The following MAP4K5 variants were observed in gnomAD, a reference collection of about 807,000 sequenced individuals.
MAP4K5 encodes mitogen-activated protein kinase kinase kinase kinase 5.
In MAP4K5, 82 loss-of-function variants were observed where a neutral mutation model predicts 135.6. The ratio of observed to expected loss-of-function variants is 0.60; its 90% CI spans 0.51 to 0.73. MAP4K5 has a LOEUF of 0.73. Among genes scored for constraint, MAP4K5 ranks in the 30% least tolerant of loss-of-function variants. The pLI is 0.00. For synonymous variants in MAP4K5, 347 were observed against 335.0 expected (o/e 1.04, Z -0.39); for missense variants, 907 against 1,010.9 (o/e 0.90, Z 1.39).
chr14:50,493,580 T>C lies in MAP4K5; in HGVS notation c.167-7386A>G, dbSNP rs192823141. ...CCTAAAGTCCATTAAAAAAATCTAT[T>C]AGAACAAATAAACAAATTTAGCAAA... On this transcript the variant is annotated intron_variant, in intron 3 of 32. Coordinates refer to ENST00000682126, the MANE Select transcript of MAP4K5 (RefSeq NM_006575.6). 1.1e-4 allele frequency among the ~76,000 whole-genome samples: 17 copies of C among 152,142 alleles called. No individual in the cohort carries two copies. The East Asian group carries it at 2.9e-3, about 26-fold the overall frequency.
rs73289850 is a variant in MAP4K5, at chr14:50,527,333, C to T, written c.108+4609G>A. ...CCAGCCTGGCGACACTGCAAGACTCCGTCTCAAAAAAAAAAGTACTTTTGT... is the reference window on the plus strand; with the variant it reads ...CCAGCCTGGCGACACTGCAAGACTCTGTCTCAAAAAAAAAAGTACTTTTGT... On this transcript the variant is annotated intron_variant, in intron 2 of 32. Transcript: ENST00000682126. 6.6e-3 allele frequency among the ~76,000 whole-genome samples: 1,002 copies of T among 150,892 alleles called. 7 individuals carry two copies. Among genetic ancestry groups the T allele is most frequent in the African/African-American group, 0.023 (935 of 41,124 alleles).
chr14:50,520,414 T>C (rs2038124178), intron 2 of MAP4K5, among the ~76,000 whole-genome samples: 1 of 152,102 alleles, frequency 6.6e-6, no homozygotes, highest in South Asian at 2.1e-4. Flanking sequence ...GGCAGAAGAA[T>C]TGCTTGAACC....
intron 2 of MAP4K5, among the ~76,000 whole-genome samples, chr14:50,513,257 C>G (rs1298559321): frequency 2.0e-5 from 3 of 152,084 alleles, no homozygotes; most frequent in Non-Finnish European, 4.4e-5. Context: ...CAATTTACTA[C>G]TAAGGAAGTA....
chr14:50,481,859 T>C (rs572441726), intron 6 of MAP4K5, among the ~76,000 whole-genome samples: 1 of 152,366 alleles, frequency 6.6e-6, no homozygotes, highest in Admixed American at 6.5e-5. Context: ...CACATAGAAC[T>C]AGGGTTTTCA....
rs552489223 is a variant in MAP4K5 at position 50,439,139 on chromosome 14, CA to C, written c.1705+873del. ...CTCCAGCTTTTTAGAAGCCATTTAA[CA>C]CACAATCAAATAATATGCTCTCCAT... On this transcript the variant is annotated intron_variant, in intron 23 of 32. Coordinates refer to ENST00000682126, the MANE Select transcript of MAP4K5 (RefSeq NM_006575.6). 8.6e-5 allele frequency among the ~76,000 whole-genome samples: 13 copies of C among 151,704 alleles called. No individual in the cohort carries two copies. The South Asian group carries it at 2.7e-3, about 32-fold the overall frequency.
chr14:50,506,026 T>C (rs571051590), intron 2 of MAP4K5, among the ~76,000 whole-genome samples: 1 of 152,208 alleles, frequency 6.6e-6, no homozygotes, highest in Non-Finnish European at 1.5e-5. Context: ...TGGTACATCA[T>C]ATGTGGAAAT....
chr14:50,452,009 G>A (rs1245379405), intron 14 of MAP4K5, among the ~76,000 whole-genome samples: 1 of 152,148 alleles, frequency 6.6e-6, no homozygotes, highest in Non-Finnish European at 1.5e-5. Context: ...TCTTTTCCCA[G>A]TCTAGGGATA....
At chr14:50,490,457 T>C (rs2037460239) in intron 3 of MAP4K5, among the ~76,000 whole-genome samples, 1 of 152,198 alleles carries the variant, frequency 6.6e-6, no homozygotes, top group South Asian at 2.1e-4. Flanking sequence ...ACTGTATTAC[T>C]GTTTAAATTA....
At chr14:50,452,022 C>T (rs778581487) in intron 14 of MAP4K5, among the ~76,000 whole-genome samples, 2 of 152,128 alleles carry the variant, frequency 1.3e-5, no homozygotes, top group East Asian at 1.9e-4. Flanking sequence ...TAGGGATATA[C>T]GGTATGATAC....
chr14:50,499,670 AGTCACTGATAT>A (rs1360941862), intron 3 of MAP4K5, among the ~76,000 whole-genome samples: 1 of 152,000 alleles, frequency 6.6e-6, no homozygotes, highest in Admixed American at 6.6e-5. Context: ...AAAAAAAAAA[AGTCACTGATAT>A]GGAAGACTTT....
chr14:50,482,330 C>T, intron 6 of MAP4K5, 31 bp downstream of exon 6: 1 of 1,340,830 alleles, frequency 7.5e-7, no homozygotes, highest in African/African-American at 1.5e-5. Flanking sequence ...CCTAGAATTG[C>T]CTTTCTAACT....
chr14:50,545,354 G>T (rs2038617662), intron 1 of MAP4K5, among the ~76,000 whole-genome samples: 1 of 152,056 alleles, frequency 6.6e-6, no homozygotes, highest in African/African-American at 2.4e-5. Flanking sequence ...TAAAATCCTG[G>T]GCTTTTCTTA....
chr14:50,475,795 T>C (rs980328858), intron 8 of MAP4K5, among the ~76,000 whole-genome samples: 2 of 152,262 alleles, frequency 1.3e-5, no homozygotes, highest in Non-Finnish European at 2.9e-5. Context: ...ACACACCAGA[T>C]GTTACTCTTA....
At chr14:50,431,325 C>T (rs2035964027) in intron 28 of MAP4K5, among the ~76,000 whole-genome samples, 1 of 152,068 alleles carries the variant, frequency 6.6e-6, no homozygotes, top group Non-Finnish European at 1.5e-5. Context: ...CATATGTATA[C>T]ATGTGCCATC....
chr14:50,508,096 A>C (rs1011229147), intron 2 of MAP4K5, among the ~76,000 whole-genome samples: 1 of 152,138 alleles, frequency 6.6e-6, no homozygotes, highest in African/African-American at 2.4e-5. Flanking sequence ...CTTTACCATT[A>C]TGTAATGCCC....
At chr14:50,560,026 G>A in intron 1 of MAP4K5, 2 of 582,910 alleles carry the variant, frequency 3.4e-6, no homozygotes, top group Non-Finnish European at 6.2e-6. Flanking sequence ...GACTGAGGTA[G>A]GGAGGGTGTG....
At chr14:50,463,864 C>T (rs1044920265) in intron 12 of MAP4K5, among the ~76,000 whole-genome samples, 188 bp downstream of exon 12, 14 of 138,812 alleles carry the variant, frequency 1.0e-4, no homozygotes, top group African/African-American at 3.7e-4. Flanking sequence ...GCACTCCAGT[C>T]TGGGTGACAG....
intron 21 of MAP4K5, among the ~76,000 whole-genome samples, chr14:50,441,116 TAAAC>T (rs1396632757): frequency 3.9e-5 from 6 of 152,104 alleles, no homozygotes; most frequent in South Asian, 2.1e-4. Context: ...CTGATATAAA[TAAAC>T]GAATGAATAA....
chr14:50,508,718 A>T (rs2037865940), intron 2 of MAP4K5, among the ~76,000 whole-genome samples: 1 of 152,152 alleles, frequency 6.6e-6, no homozygotes, highest in East Asian at 1.9e-4. Context: ...AGTATAAAAA[A>T]AAAAAGGCAA....
Sources: gnomAD v4.1 joint callset for allele counts (sites outside exome capture counted in the v4.1 genomes callset) on GRCh38, gnomAD v4.1.1 for gene constraint, MANE v1.5 for transcripts, NCBI Gene and HGNC (gene_info 2026-07-23, HGNC 2026-07-21) for gene names.